ACER1: variants seen among roughly 807,000 people sequenced by gnomAD.
ACER1 encodes the protein alkaline ceramidase 1, also known as CTB-180A7.3.
A neutral mutation model predicts 24.9 loss-of-function variants in ACER1; 28 were observed. The observed-to-expected ratio is 1.13, with a 90% CI of 0.83 to 1.54. The LOEUF (loss-of-function observed/expected upper bound fraction) is 1.54, where lower values mean the gene tolerates loss of function less well. Among genes scored for constraint, ACER1 ranks in the 40% most tolerant of loss-of-function variants. ACER1 has a pLI of 0.00. For synonymous variants in ACER1, 132 were observed against 131.4 expected, an observed-to-expected ratio of 1.00 and a Z score of -0.03; for missense variants, 352 against 349.3, an observed-to-expected ratio of 1.01 and a Z score of -0.06.
At chr19:6,356,472 A>G in the ACER1 span, among the ~76,000 whole-genome samples, 1 of 146,132 alleles carries the variant, frequency 6.8e-6, no homozygotes, top group African/African-American at 2.8e-5. Context: ...GATCAATAAA[A>G]AAATAAATAA....
chr19:6,315,403 A>C (rs1217941365), intron 1 of ACER1, among the ~76,000 whole-genome samples: 1 of 149,516 alleles, frequency 6.7e-6, no homozygotes, highest in African/African-American at 2.5e-5. Flanking sequence ...TTTTTGAGAC[A>C]GAGTCTCACT....
the ACER1 span, among the ~76,000 whole-genome samples, chr19:6,344,764 G>GT: frequency 6.6e-6 from 1 of 151,636 alleles, no homozygotes; most frequent in Non-Finnish European, 1.5e-5. Flanking sequence ...TTATTTTGTT[G>GT]TTTTTTTCTT....
chr19:6,354,227 T>C, the ACER1 span, among the ~76,000 whole-genome samples: 12 of 151,376 alleles, frequency 7.9e-5, no homozygotes, highest in Non-Finnish European at 1.6e-4. Context: ...AATAAATAAA[T>C]AAATAGTGAT....
the ACER1 span, among the ~76,000 whole-genome samples, chr19:6,347,218 C>CTTTTTTTTTTT: frequency 1.4e-4 from 19 of 132,206 alleles, no homozygotes; most frequent in East Asian, 4.5e-4. Context: ...CTTTTCTTTT[C>CTTTTTTTTTTT]TTTTTCTTTT....
At chr19:6,320,945 C>G (rs1369269111) in intron 1 of ACER1, among the ~76,000 whole-genome samples, 1 of 151,014 alleles carries the variant, frequency 6.6e-6, no homozygotes, top group Admixed American at 6.6e-5. Flanking sequence ...ATAAGAATAG[C>G]TACAATGTAT....
chr19:6,306,629 C>A lies in ACER1; in HGVS notation c.*85G>T, dbSNP rs113618237. On this transcript the variant is annotated 3_prime_UTR_variant, in exon 6 of 6. Coordinates refer to ENST00000301452, the MANE Select transcript of ACER1 (RefSeq NM_133492.3). ...ACAGAGGAAGGAACCACGAGTGTCC[C>A]GCAGGTGCAAGTCCTGACCGGGGCT... 4.2e-5 allele frequency: 62 copies of A among 1,481,538 alleles called. 1 individual carries two copies. The African/African-American group carries it at 6.5e-4, about 16-fold the overall frequency. 91.8% of individuals were successfully genotyped at this position (1,481,538 alleles called of 1,614,324 possible).
chr19:6,340,800 C>A, the ACER1 span, among the ~76,000 whole-genome samples: 2 of 151,954 alleles, frequency 1.3e-5, no homozygotes, highest in South Asian at 2.1e-4. Flanking sequence ...GCTCTTCCCC[C>A]GCTAGGGGGA....
intron 1 of ACER1, among the ~76,000 whole-genome samples, chr19:6,314,839 A>G (rs1346875664): frequency 6.6e-6 from 1 of 152,152 alleles, no homozygotes; most frequent in Non-Finnish European, 1.5e-5. Context: ...CAATGATTGG[A>G]TAAAGAAGAT....
intron 3 of ACER1, among the ~76,000 whole-genome samples, chr19:6,310,602 G>A (rs955308444): frequency 1.3e-5 from 2 of 151,490 alleles, no homozygotes; most frequent in South Asian, 2.1e-4. Flanking sequence ...GTCCTAGCCC[G>A]GCACGGTGGC....
chr19:6,344,133 C>T, the ACER1 span, among the ~76,000 whole-genome samples: 1 of 152,054 alleles, frequency 6.6e-6, no homozygotes, highest in Non-Finnish European at 1.5e-5. Flanking sequence ...CCTGTCTCTA[C>T]TAAAAATACA....
the ACER1 span, among the ~76,000 whole-genome samples, chr19:6,341,908 C>T: frequency 6.6e-5 from 10 of 152,272 alleles, no homozygotes; most frequent in East Asian, 1.9e-4. Flanking sequence ...GGATTACAGG[C>T]GTGAGCCACT....
At chr19:6,326,120 A>ATTTT (rs961518968) in intron 1 of ACER1, among the ~76,000 whole-genome samples, 1 of 97,268 alleles carries the variant, frequency 1.0e-5, no homozygotes, top group Non-Finnish European at 2.1e-5. Flanking sequence ...ATGCTCAGCT[A>ATTTT]TTTTTTTTTT....
intron 1 of ACER1, among the ~76,000 whole-genome samples, chr19:6,316,369 T>C (rs1237349037): frequency 1.3e-5 from 2 of 151,512 alleles, no homozygotes; most frequent in East Asian, 3.9e-4. Flanking sequence ...AGCACAGGAG[T>C]TGGAGGCTGC....
chr19:6,307,019 C>T, intron 5 of ACER1, 134 bp downstream of exon 5: 1 of 1,495,190 alleles, frequency 6.7e-7, no homozygotes, highest in South Asian at 1.3e-5. Flanking sequence ...GCAGCCTTCC[C>T]CTACCGCCAG....
intron 1 of ACER1, among the ~76,000 whole-genome samples, chr19:6,326,464 T>C (rs889480469): frequency 6.6e-6 from 1 of 151,522 alleles, no homozygotes; most frequent in Non-Finnish European, 1.5e-5. Flanking sequence ...GGGGTCTTGC[T>C]ATATTGCCCA....
the ACER1 span, among the ~76,000 whole-genome samples, chr19:6,355,854 T>G: frequency 6.0e-5 from 8 of 134,202 alleles, no homozygotes; most frequent in African/African-American, 1.8e-4. Context: ...GGTGGGGGGG[T>G]CAGCCCCCCG....
At chr19:6,323,534 A>T (rs1196957594) in intron 1 of ACER1, among the ~76,000 whole-genome samples, 1 of 152,124 alleles carries the variant, frequency 6.6e-6, no homozygotes, top group Admixed American at 6.6e-5. Flanking sequence ...TTCCACCATG[A>T]TTGTGAGGCC....
the ACER1 span, among the ~76,000 whole-genome samples, chr19:6,354,821 T>TTCCCAACGGTCTCCCTCTCCCTC: frequency 1.3e-5 from 2 of 150,452 alleles, no homozygotes; most frequent in Non-Finnish European, 2.9e-5. Context: ...CCCTCTCCCT[T>TTCCCAACGGTCTCCCTCTCCCTC]TCCCCACGGT....
the ACER1 span, among the ~76,000 whole-genome samples, chr19:6,352,341 C>T: frequency 7.9e-5 from 12 of 152,274 alleles, no homozygotes; most frequent in Admixed American, 5.9e-4. Flanking sequence ...CTTTTGCTAA[C>T]TCTCTCTGAA....
Sources: gnomAD v4.1 joint callset for allele counts (sites outside exome capture counted in the v4.1 genomes callset) on GRCh38, gnomAD v4.1.1 for gene constraint, MANE v1.5 for transcripts, NCBI Gene and HGNC (gene_info 2026-07-23, HGNC 2026-07-21) for gene names.